The following PSD3 variants were observed in gnomAD, a reference collection of about 807,000 sequenced individuals.
PSD3 encodes PH and SEC7 domain-containing protein 3.
In PSD3, 49 loss-of-function variants were observed where a neutral mutation model predicts 105.5. The ratio of observed to expected loss-of-function variants is 0.46; its 90% confidence interval spans 0.37 to 0.59. PSD3 has a LOEUF of 0.59. PSD3 is among the 20% of genes least tolerant of loss of function. The pLI is 0.00. For synonymous variants in PSD3, 557 were observed against 457.8 expected, an observed-to-expected ratio of 1.22 and a Z score of -2.77; for missense variants, 1,561 against 1,263.8, an observed-to-expected ratio of 1.24 and a Z score of -3.57.
intron 9 of PSD3, among the ~76,000 whole-genome samples, chr8:18,758,414 CTT>C (rs143280710): frequency 0.028 from 3,829 of 135,056 alleles, 223 homozygotes; most frequent in East Asian, 0.2. Flanking sequence ...CAGTTTTACT[CTT>C]TTTTTTTTTT....
chr8:18,625,882 C>T (rs1490544970), intron 11 of PSD3, among the ~76,000 whole-genome samples: 1 of 152,110 alleles, frequency 6.6e-6, no homozygotes, highest in Admixed American at 6.5e-5. Context: ...ATTTAATTAT[C>T]ACTATTGTTA....
chr8:18,870,561 A>G (rs1443390501), intron 3 of PSD3, among the ~76,000 whole-genome samples: 5 of 152,106 alleles, frequency 3.3e-5, no homozygotes, highest in Non-Finnish European at 7.4e-5. Context: ...GGATGGCATT[A>G]GGAGAAATAC....
At chr8:18,814,451 C>T (rs768876320) in intron 4 of PSD3, among the ~76,000 whole-genome samples, 3 of 152,156 alleles carry the variant, frequency 2.0e-5, no homozygotes, top group Non-Finnish European at 2.9e-5. Flanking sequence ...GGGGTTCAAA[C>T]GTTTCTAGGG....
At chr8:18,958,513 A>C (rs1823718956) in intron 1 of PSD3, among the ~76,000 whole-genome samples, 1 of 152,210 alleles carries the variant, frequency 6.6e-6, no homozygotes, top group Non-Finnish European at 1.5e-5. Flanking sequence ...AAACATTTAC[A>C]ATGAAAAATG....
At chr8:18,817,758 G>A (rs1266503593) in intron 4 of PSD3, among the ~76,000 whole-genome samples, 1 of 152,118 alleles carries the variant, frequency 6.6e-6, no homozygotes, top group Non-Finnish European at 1.5e-5. Context: ...ATCTGCCAAT[G>A]AGCTCTCTCT....
intron 1 of PSD3, among the ~76,000 whole-genome samples, chr8:18,945,628 C>G (rs909781509): frequency 6.6e-6 from 1 of 152,208 alleles, no homozygotes; most frequent in African/African-American, 2.4e-5. Flanking sequence ...CAGAAATATA[C>G]ACAAATACAC....
At chr8:18,765,122 G>C (rs561293073) in intron 9 of PSD3, among the ~76,000 whole-genome samples, 2 of 152,240 alleles carry the variant, frequency 1.3e-5, no homozygotes, top group Non-Finnish European at 2.9e-5. Context: ...TGTTTCCGTA[G>C]TGCATATACC....
intron 2 of PSD3, among the ~76,000 whole-genome samples, chr8:18,875,819 G>A (rs1817699655): frequency 6.6e-6 from 1 of 152,178 alleles, no homozygotes; most frequent in Non-Finnish European, 1.5e-5. Flanking sequence ...TTACAGGCGT[G>A]AGCCATGGCG....
At position 18,633,175 on chromosome 8, in the gene PSD3, G is replaced by C. The variant is rs1019389546; in HGVS notation, c.2217-369C>G. Among the ~76,000 whole-genome samples the C allele has an allele frequency of 7.9e-5, 12 of 152,060 alleles. No homozygotes were observed. In the East Asian group the frequency reaches 2.1e-3, roughly 27 times the overall value. ...TTCATGTTTGTCTTCTTTCAAACAA[G>C]TGGGAGTTTATTGGCAGGAATTATG... On this transcript the variant is annotated intron_variant, in intron 10 of 15. Coordinates refer to ENST00000327040, the MANE Select transcript of PSD3 (RefSeq NM_015310.4).
chr8:18,799,285 C>G lies in PSD3; in HGVS notation c.2082+10G>C. ...TGTTTTGGATCTAAGTTTCACAAAT[C>G]CACACTTACGTGGCCATGTAGATCG... On this transcript the variant is annotated intron_variant, in intron 8 of 15. Coordinates refer to ENST00000327040, the MANE Select transcript of PSD3 (RefSeq NM_015310.4). 6.3e-7 allele frequency: 1 copy of G among 1,593,078 alleles called. No homozygotes were observed. Among genetic ancestry groups the G allele is most frequent in the Non-Finnish European group, 8.6e-7 (1 of 1,161,018 alleles).
chr8:18,653,385 T>C (rs1427600111), intron 10 of PSD3, among the ~76,000 whole-genome samples: 2 of 150,446 alleles, frequency 1.3e-5, no homozygotes, highest in African/African-American at 4.9e-5. Context: ...AAAAAAGAAA[T>C]TGGAGCTTTG....
At chr8:18,657,675 C>A (rs1326607412) in intron 9 of PSD3, among the ~76,000 whole-genome samples, 1 of 152,116 alleles carries the variant, frequency 6.6e-6, no homozygotes, top group Non-Finnish European at 1.5e-5. Context: ...AAAACTGGCT[C>A]AAGTCTCAGG....
chr8:18,620,027 C>G (rs1365702296), intron 11 of PSD3, among the ~76,000 whole-genome samples: 3 of 152,148 alleles, frequency 2.0e-5, no homozygotes, highest in African/African-American at 7.2e-5. Context: ...TCTCTGAGGG[C>G]TGCCACCCAT....
At chr8:18,899,858 G>T (rs528703184) in intron 2 of PSD3, among the ~76,000 whole-genome samples, 1 of 151,976 alleles carries the variant, frequency 6.6e-6, no homozygotes, top group Admixed American at 6.6e-5. Flanking sequence ...TATAGACAAG[G>T]GCATTCCTCA....
chr8:18,659,398 G>A (rs1406146720), intron 9 of PSD3, among the ~76,000 whole-genome samples: 3 of 152,180 alleles, frequency 2.0e-5, no homozygotes, highest in East Asian at 3.9e-4. Context: ...TTTCAGAACT[G>A]AACTCAGAGA....
At chr8:18,965,942 G>A (rs930756465) in intron 1 of PSD3, among the ~76,000 whole-genome samples, 1 of 152,210 alleles carries the variant, frequency 6.6e-6, no homozygotes, top group African/African-American at 2.4e-5. Flanking sequence ...TTCCTCTTGT[G>A]AGTTTAAGGC....
intron 1 of PSD3, among the ~76,000 whole-genome samples, chr8:18,971,442 G>A (rs532820484): frequency 6.6e-6 from 1 of 152,294 alleles, no homozygotes; most frequent in Admixed American, 6.5e-5. Flanking sequence ...GGCCTAGCTG[G>A]CCCCAAGAGT....
chr8:18,798,618 C>T (rs1810397269), intron 8 of PSD3, among the ~76,000 whole-genome samples: 1 of 152,054 alleles, frequency 6.6e-6, no homozygotes, highest in African/African-American at 2.4e-5. Flanking sequence ...CTGATTTTCT[C>T]TTCAAAATAC....
chr8:18,982,506 T>C (rs780902218), intron 1 of PSD3, among the ~76,000 whole-genome samples: 5 of 152,198 alleles, frequency 3.3e-5, no homozygotes, highest in Non-Finnish European at 7.3e-5. Flanking sequence ...AATTACTATC[T>C]ATAGCAGCTA....
Sources: allele counts gnomAD v4.1 joint callset (sites outside exome capture counted in the v4.1 genomes callset), GRCh38; gene constraint gnomAD v4.1.1; transcripts MANE v1.5; gene names NCBI Gene and HGNC (gene_info 2026-07-23, HGNC 2026-07-21).